Variants in UNC45A observed in about 807,000 individuals in gnomAD.
UNC45A encodes unc-45 myosin chaperone A.
In UNC45A, 78 loss-of-function variants were observed where a neutral mutation model predicts 103.2. That is an observed-to-expected ratio of 0.76 (90% CI 0.63 to 0.91). The LOEUF is 0.91. UNC45A is among the 40% of genes least tolerant of loss of function. UNC45A has a pLI of 0.00. For synonymous variants in UNC45A, 495 were observed against 504.6 expected (o/e 0.98, Z 0.25); for missense variants, 1,193 against 1,224.8 (o/e 0.97, Z 0.39).
intron 7 of UNC45A, 101 bp downstream of exon 7, chr15:90,942,706 C>T (rs747969386): frequency 3.8e-6 from 6 of 1,576,396 alleles, no homozygotes; most frequent in Non-Finnish European, 5.2e-6. Flanking sequence ...CTTGCAGCTG[C>T]AGGTTGTTTG....
At chr15:90,953,411 G>T (rs1596246988) in intron 19 of UNC45A, 48 bp from the exon 20 acceptor site, 2 of 1,606,142 alleles carry the variant, frequency 1.2e-6, no homozygotes, top group East Asian at 4.5e-5. Flanking sequence ...CCCTTGCCAA[G>T]GTTGAGCCTG....
In UNC45A at chr15:90,950,468, A is replaced by G. The variant is rs554923659; in HGVS notation, c.2188-32A>G. ...GGTGGGGCTTGTGGGGGCTGCGGCA[A>G]GTACCCCTGACAGGTGGGGTGCACA... On this transcript the variant is annotated intron_variant, in intron 16 of 19. Transcript: ENST00000418476. 9 of 1,606,916 alleles carry G rather than the reference A, an allele frequency of 5.6e-6. No individual in the cohort carries two copies. The African/African-American group carries it at 6.7e-5, about 12-fold the overall frequency.
upstream of UNC45A, chr15:90,934,682 A>G: frequency 2.5e-6 from 1 of 398,212 alleles, no homozygotes. Flanking sequence ...ACAGAAAATC[A>G]TGTAGATCAT....
At position 90,944,118 on chromosome 15, in the gene UNC45A, G is replaced by A. The variant is rs965112239; in HGVS notation, c.1028-774G>A. 3.3e-5 allele frequency among the ~76,000 whole-genome samples: 5 copies of A among 150,146 alleles called. No individual in the cohort carries two copies. The Admixed American group carries it at 3.3e-4, about 10-fold the overall frequency. ...AAGATAAATAAGAGCTGGGCGTGGT[G>A]CCTCACGCCTATAATCCCAGCACTT... On this transcript the variant is annotated intron_variant, in intron 8 of 19. Transcript: ENST00000418476.
rs758148656 is a variant in UNC45A at position 90,943,021 on chromosome 15, G to A, written c.966G>A (p.Ala322=). 7.4e-6 allele frequency: 12 copies of A among 1,614,030 alleles called. No individual in the cohort carries two copies. The highest frequency in any genetic ancestry group is 2.2e-5 in the East Asian group (1 of 44,900). ...RDNALTLLIK[A]VPRKSLKDPN... ...ATGCCCTGACCCTCCTGATTAAAGC[G>A]GTGCCCCGGAAGTCTCTCAAGGACC... The change falls in exon 8 of 20, where the codon GCG becomes GCA. Residue 322 remains alanine (A), a synonymous_variant. Transcript: ENST00000418476.
At chr15:90,950,006 G>T (rs1451286328) in intron 15 of UNC45A, 148 bp from the exon 16 acceptor site, 5 of 744,432 alleles carry the variant, frequency 6.7e-6, no homozygotes, top group African/African-American at 1.8e-5. Flanking sequence ...GGTGTTTCAG[G>T]AAGTGTTTGG....
chr15:90,945,297 G>T (rs909897527), intron 9 of UNC45A, among the ~76,000 whole-genome samples: 2 of 152,058 alleles, frequency 1.3e-5, no homozygotes, highest in Non-Finnish European at 2.9e-5. Flanking sequence ...ACGCCATCAA[G>T]CACGTACTGG....
chr15:90,948,618 CG>C, intron 12 of UNC45A, 35 bp from the exon 13 acceptor site: 1 of 1,608,242 alleles, frequency 6.2e-7, no homozygotes, highest in Non-Finnish European at 8.5e-7. Flanking sequence ...TGCTCTGCCC[CG>C]GGATGCCCAT....
In UNC45A at chr15:90,953,015, A is replaced by G; in HGVS notation, c.2390A>G (p.Glu797Gly). The G allele has an allele frequency of 1.2e-6, 2 of 1,613,604 alleles. No homozygotes were observed. The highest frequency in any genetic ancestry group is 1.7e-6 in the Non-Finnish European group (2 of 1,180,030). ...EHEMIRRAATECMCNLAMSKE... is the reference protein window; with the variant it reads ...EHEMIRRAATGCMCNLAMSKE... ...GAGATGATCCGCCGGGCAGCCACGG[A>G]GTGCATGTGTAACTTGGCCATGAGC... is the stretch of plus-strand genomic sequence containing the variant. The change falls in exon 18 of 20, where the codon GAG becomes GGG. Residue 797 changes from glutamate (E) to glycine (G), a missense_variant. Glu to Gly is a moderately conservative substitution (Grantham distance 98, BLOSUM62 -2). Coordinates refer to ENST00000418476, the MANE Select transcript of UNC45A (RefSeq NM_018671.5).
At chr15:90,952,248 A>C (rs1437670388) in intron 17 of UNC45A, 1 of 152,290 alleles carries the variant, frequency 6.6e-6, no homozygotes, top group Non-Finnish European at 1.5e-5. Flanking sequence ...TAATTTATAA[A>C]GAAAAGAGAT....
At chr15:90,940,118 A>C (rs2036214540) in intron 5 of UNC45A, among the ~76,000 whole-genome samples, 188 bp from the exon 6 acceptor site, 1 of 152,186 alleles carries the variant, frequency 6.6e-6, no homozygotes, top group African/African-American at 2.4e-5. Flanking sequence ...TCTAACCATC[A>C]ATCCCGAGAG....
rs1198233891 is a variant in UNC45A at position 90,953,911 on chromosome 15, C to T, written c.*195C>T. The T allele has an allele frequency of 5.4e-6, 4 of 745,268 alleles. No homozygotes were observed. In the East Asian group the frequency reaches 1.1e-4, roughly 20 times the overall value. The allele number at this position is 745,268 out of a possible 1,614,324, so 46.2% of individuals were successfully genotyped here. Reference sequence around the variant, plus strand: ...ACACAGCCCTGCTTGGCCAGCACTGCCTGCAGCCTCACTCAGAGGGGCCCT... The same window carrying T: ...ACACAGCCCTGCTTGGCCAGCACTGTCTGCAGCCTCACTCAGAGGGGCCCT... On this transcript the variant is annotated 3_prime_UTR_variant, in exon 20 of 20. Coordinates refer to ENST00000418476, the MANE Select transcript of UNC45A (RefSeq NM_018671.5).
chr15:90,935,879 C>T, intron 2 of UNC45A, 67 bp from the exon 3 acceptor site: 2 of 1,609,670 alleles, frequency 1.2e-6, no homozygotes, highest in South Asian at 1.1e-5. Context: ...GAGAGTACCC[C>T]TGCTGCCTGG....
chr15:90,938,967 T>C (rs1205013563), intron 4 of UNC45A, among the ~76,000 whole-genome samples: 1 of 150,122 alleles, frequency 6.7e-6, no homozygotes, highest in Non-Finnish European at 1.5e-5. Flanking sequence ...CCACCGTGCC[T>C]GGCTTCAGAT....
chr15:90,940,332 C>T lies in UNC45A; in HGVS notation c.546C>T (p.Ala182=), dbSNP rs372367279. The change falls in exon 6 of 20, where the codon GCC becomes GCT. Residue 182 remains alanine (A), a synonymous_variant. Transcript: ENST00000418476. ...CTTCTCAGAACCTGGTGGTGCTGGC[C>T]AGGGAGGATGCTGGAGCGGAGAAGA... ...QKASQNLVVL[A]REDAGAEKIF... is the part of the protein sequence containing the mutation. 16 of 1,613,760 alleles carry T rather than the reference C, an allele frequency of 9.9e-6. No individual in the cohort carries two copies. The African/African-American group carries it at 1.9e-4, about 19-fold the overall frequency.
chr15:90,934,193 T>G (rs2035901054), upstream of UNC45A: 2 of 399,556 alleles, frequency 5.0e-6, no homozygotes. Flanking sequence ...TATGGGCTAT[T>G]CCTGGGAACT....
upstream of UNC45A, chr15:90,934,740 T>C: frequency 2.5e-6 from 1 of 399,052 alleles, no homozygotes; most frequent in African/African-American, 2.1e-5. Context: ...AAGCTGGTAA[T>C]GGGGAGCCAT....
chr15:90,942,626 G>A, intron 7 of UNC45A, 21 bp downstream of exon 7: 1 of 1,614,060 alleles, frequency 6.2e-7, no homozygotes, highest in East Asian at 2.2e-5. Flanking sequence ...GCAGGTCTGG[G>A]GTCTTTTGGA....
rs769544490 is a variant in UNC45A at position 90,946,662 on chromosome 15, G to A, written c.1248G>A (p.Gln416=). The change falls in exon 10 of 20, where the codon CAG becomes CAA. Residue 416 remains glutamine (Q), a synonymous_variant. Coordinates refer to ENST00000418476, the MANE Select transcript of UNC45A (RefSeq NM_018671.5). ...TGGCCGGGAAGCTACGGGCCATCCAGACGGTGTCCTGCCTCCTGCAGGGCC... is the reference window on the plus strand; with the variant it reads ...TGGCCGGGAAGCTACGGGCCATCCAAACGGTGTCCTGCCTCCTGCAGGGCC... ...QGLAGKLRAI[Q]TVSCLLQGPC... is the part of the protein sequence containing the mutation. The A allele has an allele frequency of 7.4e-6, 12 of 1,612,082 alleles. No homozygotes were observed. The South Asian group carries it at 1.3e-4, about 18-fold the overall frequency.
Sources: gnomAD v4.1 joint callset for allele counts (sites outside exome capture counted in the v4.1 genomes callset) on GRCh38, gnomAD v4.1.1 for gene constraint, MANE v1.5 for transcripts, NCBI Gene and HGNC (gene_info 2026-07-23, HGNC 2026-07-21) for gene names.